The following ARHGEF3 variants were observed in gnomAD, a reference collection of about 807,000 sequenced individuals.
ARHGEF3 encodes the protein 59.8 kDA protein.
ARHGEF3 carries 28 observed loss-of-function variants against 63.2 expected under a neutral mutation model. The ratio of observed to expected loss-of-function variants is 0.44; its 90% CI spans 0.33 to 0.61. The LOEUF (loss-of-function observed/expected upper bound fraction) is 0.61, where lower values mean the gene tolerates loss of function less well. Among genes scored for constraint, ARHGEF3 ranks in the 20% least tolerant of loss-of-function variants. The pLI is 0.03. For synonymous variants in ARHGEF3, 266 were observed against 254.2 expected, an observed-to-expected ratio of 1.05 and a Z score of -0.44; for missense variants, 533 against 659.3, an observed-to-expected ratio of 0.81 and a Z score of 2.10.
intron 1 of ARHGEF3, among the ~76,000 whole-genome samples, chr3:56,785,383 G>T (rs1265521848): frequency 6.6e-6 from 1 of 152,058 alleles, no homozygotes; most frequent in Admixed American, 6.5e-5. Flanking sequence ...GGGTCTTGAG[G>T]TTTGCATTAT....
chr3:56,903,814 A>G (rs530204836), intron 3 of ARHGEF3, among the ~76,000 whole-genome samples: 49 of 152,186 alleles, frequency 3.2e-4, no homozygotes, highest in African/African-American at 1.1e-3. Context: ...GAGGGTCCCA[A>G]TGAGCTTTTG....
chr3:56,900,673 C>G (rs2041473968), intron 3 of ARHGEF3, among the ~76,000 whole-genome samples: 1 of 152,206 alleles, frequency 6.6e-6, no homozygotes, highest in Non-Finnish European at 1.5e-5. Flanking sequence ...TATTTTTCTA[C>G]TTCCATTTAT....
chr3:57,037,374 C>T (rs1030764478), intron 1 of ARHGEF3, among the ~76,000 whole-genome samples: 1 of 152,198 alleles, frequency 6.6e-6, no homozygotes, highest in Non-Finnish European at 1.5e-5. Context: ...CCAAGCTCCT[C>T]TGCAGCATGT....
At chr3:56,792,722 C>T (rs967314717) in intron 1 of ARHGEF3, among the ~76,000 whole-genome samples, 2 of 152,224 alleles carry the variant, frequency 1.3e-5, no homozygotes, top group Non-Finnish European at 2.9e-5. Context: ...TTTGGAAACA[C>T]AGCCTTTTCT....
At chr3:57,021,523 C>T (rs1325326232) in intron 2 of ARHGEF3, among the ~76,000 whole-genome samples, 5 of 151,868 alleles carry the variant, frequency 3.3e-5, no homozygotes, top group East Asian at 1.9e-4. Context: ...TTTGGGAGGC[C>T]GAGGCAGGCA....
chr3:56,893,955 G>A (rs1311604906), intron 3 of ARHGEF3, among the ~76,000 whole-genome samples: 1 of 151,084 alleles, frequency 6.6e-6, no homozygotes, highest in Non-Finnish European at 1.5e-5. Context: ...GAGTTTAAAT[G>A]ACTTGACTAA....
At chr3:56,881,962 A>G (rs1319205963) in intron 4 of ARHGEF3, among the ~76,000 whole-genome samples, 4 of 152,186 alleles carry the variant, frequency 2.6e-5, no homozygotes, top group Admixed American at 2.6e-4. Context: ...CCAAAGGGGG[A>G]CAAACATCTG....
At chr3:56,996,665 G>A (rs1701998257) in intron 2 of ARHGEF3, among the ~76,000 whole-genome samples, 1 of 152,048 alleles carries the variant, frequency 6.6e-6, no homozygotes, top group African/African-American at 2.4e-5. Flanking sequence ...TTGTTTATAA[G>A]CCACTCTCTT....
At chr3:56,972,249 C>A (rs911991988) in intron 2 of ARHGEF3, among the ~76,000 whole-genome samples, 15 of 152,090 alleles carry the variant, frequency 9.9e-5, no homozygotes, top group African/African-American at 2.4e-5. Flanking sequence ...ACTTATACAA[C>A]TTTCCCAGTC....
intron 3 of ARHGEF3, among the ~76,000 whole-genome samples, chr3:56,890,151 A>G (rs997331517): frequency 1.3e-5 from 2 of 152,230 alleles, no homozygotes; most frequent in African/African-American, 4.8e-5. Flanking sequence ...ATTTACCTAC[A>G]TACCTCAAAG....
intron 2 of ARHGEF3, among the ~76,000 whole-genome samples, chr3:57,004,244 G>C (rs1702379830): frequency 1.3e-5 from 2 of 152,220 alleles, no homozygotes; most frequent in South Asian, 4.1e-4. Context: ...AACCCAGGGA[G>C]ATAATGACAG....
intron 4 of ARHGEF3, among the ~76,000 whole-genome samples, chr3:56,853,713 C>T (rs529827380): frequency 6.6e-6 from 1 of 152,190 alleles, no homozygotes; most frequent in Non-Finnish European, 1.5e-5. Context: ...ACACCTCTTC[C>T]ACAAGCCATG....
At chr3:56,983,828 C>T (rs532371851) in intron 2 of ARHGEF3, among the ~76,000 whole-genome samples, 205 of 150,878 alleles carry the variant, frequency 1.4e-3, no homozygotes, top group African/African-American at 4.8e-3. Context: ...CCCAGCTACT[C>T]GGAAGGCTGA....
chr3:56,917,095 A>G (rs1349264635), intron 3 of ARHGEF3, among the ~76,000 whole-genome samples: 2 of 152,172 alleles, frequency 1.3e-5, no homozygotes, highest in Non-Finnish European at 2.9e-5. Context: ...CAGAATGAAC[A>G]TCTTGCTCCA....
At chr3:57,002,582 TTATA>T (rs1238385831) in intron 2 of ARHGEF3, among the ~76,000 whole-genome samples, 1 of 143,852 alleles carries the variant, frequency 7.0e-6, no homozygotes, top group Non-Finnish European at 1.5e-5. Context: ...GTTATATGTG[TTATA>T]TATATGTAAT....
At chr3:56,885,433 T>C (rs2040890781) in intron 3 of ARHGEF3, among the ~76,000 whole-genome samples, 1 of 152,176 alleles carries the variant, frequency 6.6e-6, no homozygotes, top group African/African-American at 2.4e-5. Flanking sequence ...CACCGATACA[T>C]GCTGCAACCT....
intron 1 of ARHGEF3, among the ~76,000 whole-genome samples, chr3:57,068,973 G>C (rs980088912): frequency 1.3e-5 from 2 of 150,060 alleles, no homozygotes; most frequent in East Asian, 3.9e-4. Flanking sequence ...CCAAGCTGGA[G>C]TGCTATGACG....
chr3:56,963,861 C>T (rs1440474659), intron 2 of ARHGEF3, among the ~76,000 whole-genome samples: 1 of 152,114 alleles, frequency 6.6e-6, no homozygotes, highest in Admixed American at 6.6e-5. Context: ...CAGGTGAAGA[C>T]CCAATTCTTT....
At chr3:56,775,927 T>C (rs2036263151) in intron 1 of ARHGEF3, among the ~76,000 whole-genome samples, 1 of 152,156 alleles carries the variant, frequency 6.6e-6, no homozygotes, top group Admixed American at 6.5e-5. Context: ...TGACAAAGAT[T>C]CCCTGAGGGA....
Sources: allele counts gnomAD v4.1 joint callset (sites outside exome capture counted in the v4.1 genomes callset), GRCh38; gene constraint gnomAD v4.1.1; transcripts MANE v1.5; gene names NCBI Gene and HGNC (gene_info 2026-07-23, HGNC 2026-07-21).